The following CELSR1 variants were observed in gnomAD, a reference collection of about 807,000 sequenced individuals.
CELSR1 encodes cadherin EGF LAG seven-pass G-type receptor 1, also known as adhesion G protein-coupled receptor C1.
A neutral mutation model predicts 249.1 loss-of-function variants in CELSR1; 110 were observed. That is an observed-to-expected ratio of 0.44 (90% CI 0.38 to 0.52). The LOEUF (loss-of-function observed/expected upper bound fraction) is 0.52. Ranked by LOEUF, CELSR1 falls within the 20% of genes least tolerant of loss-of-function variation. The probability of loss-of-function intolerance (pLI) is 0.00; values close to 1 mark genes in which losing one functional copy is unlikely to be tolerated. For synonymous variants in CELSR1, 2,113 were observed against 1,900.0 expected, an observed-to-expected ratio of 1.11 and a Z score of -2.92; for missense variants, 4,109 against 4,296.4, an observed-to-expected ratio of 0.96 and a Z score of 1.22.
In CELSR1 at chr22:46,428,204, G is replaced by A. The variant is rs1218625043; in HGVS notation, c.4611+5189C>T. On this transcript the variant is annotated intron_variant, in intron 5 of 34. Coordinates refer to ENST00000674500, the MANE Select transcript of CELSR1 (RefSeq NM_001378328.1). This position sits in a 1 kb window ranked among gnomAD's most constrained non-coding sequence, Gnocchi z 5.7. ...TTTATAAAAGCACTTTCCGCAGCAT[G>A]CCAAAGACAGCCCCGCGCCATCTCA... Among the ~76,000 whole-genome samples, 1 of 152,202 alleles carries A rather than the reference G, an allele frequency of 6.6e-6. No homozygotes were observed. Among genetic ancestry groups the A allele is most frequent in the African/African-American group, 2.4e-5 (1 of 41,442 alleles).
At chr22:46,416,355 A>G (rs1247281785) in intron 5 of CELSR1, among the ~76,000 whole-genome samples, 1 of 152,204 alleles carries the variant, frequency 6.6e-6, no homozygotes, top group African/African-American at 2.4e-5. Flanking sequence ...GGTACTGCGC[A>G]GCAGCCGGCC....
In CELSR1 at chr22:46,364,038, T is replaced by C. The variant is rs1421134055; in HGVS notation, c.8993A>G (p.Asn2998Ser). 1 of 1,611,672 alleles carries C rather than the reference T, an allele frequency of 6.2e-7. No homozygotes were observed. Among genetic ancestry groups the C allele is most frequent in the Admixed American group, 1.7e-5 (1 of 59,932 alleles). Residue 2998 changes from asparagine (N) to serine (S), a missense_variant, in exon 34 of 35, where the codon AAT becomes AGT. Coordinates refer to ENST00000674500, the MANE Select transcript of CELSR1 (RefSeq NM_001378328.1). ...GRDHLNGVAMNVRTGSAQADG... is the reference protein window; with the variant it reads ...GRDHLNGVAMSVRTGSAQADG... ...GGCCTGGGCGCTCCCAGTGCGCACA[T>C]TCATGGCCACCCCGTTGAGGTGGTC...
chr22:46,536,221 T>C lies in CELSR1; in HGVS notation c.950A>G (p.Glu317Gly). The change falls in exon 1 of 35, where the codon GAG becomes GGG. Residue 317 changes from glutamate (E) to glycine (G), a missense_variant. Glu to Gly is a moderately conservative substitution (Grantham distance 98, BLOSUM62 -2). Around this residue, in one of 7 missense-constraint regions of CELSR1, gnomAD observed 673 missense variants for 636.8 expected, o/e 1.06. Coordinates refer to ENST00000674500, the MANE Select transcript of CELSR1 (RefSeq NM_001378328.1). The part of the protein sequence containing the change: ...TDSVLDRETK[E>G]THVLRVKAVD... ...GGCTTTCACCCTGAGGACGTGCGTC[T>C]CCTTGGTCTCGCGGTCCAGTACGCT... 6.2e-7 allele frequency: 1 copy of C among 1,612,526 alleles called. No individual in the cohort carries two copies. Among genetic ancestry groups the C allele is most frequent in the East Asian group, 2.2e-5 (1 of 44,838 alleles).
At chr22:46,523,806 C>T (rs1360531980) in intron 1 of CELSR1, among the ~76,000 whole-genome samples, 3 of 152,082 alleles carry the variant, frequency 2.0e-5, no homozygotes, top group Non-Finnish European at 4.4e-5. Flanking sequence ...CTCCCTGCAC[C>T]TGGTGCCCAC....
chr22:46,461,440 G>A (rs142954860), intron 2 of CELSR1, among the ~76,000 whole-genome samples: 1 of 152,314 alleles, frequency 6.6e-6, no homozygotes, highest in African/African-American at 2.4e-5. Context: ...GCTGGCCCAG[G>A]GGTCCCCAGG....
rs532555237 is a variant in CELSR1 at position 46,410,096 on chromosome 22, C to T, written c.4934-216G>A. On this transcript the variant is annotated intron_variant, in intron 7 of 34. Transcript: ENST00000674500. This position sits in a 1 kb window ranked among gnomAD's most constrained non-coding sequence, Gnocchi z 6.8. The stretch of plus-strand genomic sequence containing the variant: ...GAGACGCTGGGACGCCAGGCCATCA[C>T]GGCAGCCGGCCCGGTCACCTGGTGA... Among the ~76,000 whole-genome samples, 66 of 152,334 alleles carry T rather than the reference C, an allele frequency of 4.3e-4. 1 individual carries two copies. Among genetic ancestry groups the T allele is most frequent in the African/African-American group, 1.5e-3 (64 of 41,586 alleles).
rs1302033531 is a variant in CELSR1 at position 46,463,906 on chromosome 22, C to T, written c.3984G>A (p.Ala1328=). ...GCACGGTGGTGGAGCTGAGGAAGGG[C>T]GCGGAGCTGTCGAATCGCAGAACGG... The part of the protein sequence containing the change: ...CVSVLRFDSS[A]PFLSSTTVLF... The change falls in exon 2 of 35, where the codon GCG becomes GCA. Residue 1328 remains alanine (A), a synonymous_variant. Coordinates refer to ENST00000674500, the MANE Select transcript of CELSR1 (RefSeq NM_001378328.1). 9 of 1,613,588 alleles carry T rather than the reference C, an allele frequency of 5.6e-6. No individual in the cohort carries two copies. The highest frequency in any genetic ancestry group is 1.7e-5 in the Admixed American group (1 of 59,968).
At chr22:46,383,478 T>G (rs984031228) in intron 20 of CELSR1, among the ~76,000 whole-genome samples, 3 of 152,226 alleles carry the variant, frequency 2.0e-5, no homozygotes, top group East Asian at 1.9e-4. Context: ...TGTTGTTGTT[T>G]TTTTGCGGGA....
chr22:46,529,812 A>C (rs1003573886), intron 1 of CELSR1, among the ~76,000 whole-genome samples: 1 of 152,154 alleles, frequency 6.6e-6, no homozygotes, highest in Non-Finnish European at 1.5e-5. Context: ...CAAAAAAAAA[A>C]AAAGAATAAG....
At chr22:46,481,642 C>A in intron 1 of CELSR1, 1 of 669,680 alleles carries the variant, frequency 1.5e-6, no homozygotes, top group East Asian at 2.6e-5. Flanking sequence ...GGTGCTGCAC[C>A]AGAACATGAG....
rs2080846685 is a variant in CELSR1, at chr22:46,535,782, G to A, written c.1389C>T (p.Asn463=). 6.2e-7 allele frequency: 1 copy of A among 1,612,494 alleles called. No individual in the cohort carries two copies. Among genetic ancestry groups the A allele is most frequent in the Non-Finnish European group, 8.5e-7 (1 of 1,180,010 alleles). The change falls in exon 1 of 35, where the codon AAC becomes AAT. Residue 463 remains asparagine, a synonymous_variant. Coordinates refer to ENST00000674500, the MANE Select transcript of CELSR1 (RefSeq NM_001378328.1). ...CGTCCTCGGGCACCTGGACCACGTAGTTCTGCTCGCTGAACTGGGGGTAGT... is the reference window on the plus strand; with the variant it reads ...CGTCCTCGGGCACCTGGACCACGTAATTCTGCTCGCTGAACTGGGGGTAGT... The part of the protein sequence containing the change: ...NDNYPQFSEQ[N]YVVQVPEDVG...
intron 2 of CELSR1, among the ~76,000 whole-genome samples, chr22:46,455,568 T>C (rs978896710): frequency 8.5e-5 from 13 of 152,196 alleles, no homozygotes; most frequent in Admixed American, 2.6e-4. Context: ...CCCAAAGTGC[T>C]GGGATTTCAG....
Position 46,441,168 on chromosome 22 carries a change from AGAG to A in CELSR1, c.4184-1760_4184-1758del, listed in dbSNP as rs945720269. Among the ~76,000 whole-genome samples the A allele has an allele frequency of 2.0e-5, 3 of 148,820 alleles. No individual in the cohort carries two copies. Among genetic ancestry groups the A allele is most frequent in the African/African-American group, 7.5e-5 (3 of 39,752 alleles). On this transcript the variant is annotated intron_variant, in intron 2 of 34. Transcript: ENST00000674500. The surrounding 1 kb of genome is among the most constrained non-coding windows in gnomAD (Gnocchi z 6.1). ...ACTTCATTTCAAAAAAAAAAAAAAAAGAGAGACTGCTATAAAGATGGAACTGGG... is the reference window on the plus strand; with the variant it reads ...ACTTCATTTCAAAAAAAAAAAAAAAAAGACTGCTATAAAGATGGAACTGGG...
rs1479471392 is a variant in CELSR1 at position 46,440,696 on chromosome 22, G to A, written c.4184-1285C>T. 6.6e-6 allele frequency among the ~76,000 whole-genome samples: 1 copy of A among 152,206 alleles called. No homozygotes were observed. The highest frequency in any genetic ancestry group is 1.9e-4 in the East Asian group (1 of 5,176). On this transcript the variant is annotated intron_variant, in intron 2 of 34. Coordinates refer to ENST00000674500, the MANE Select transcript of CELSR1 (RefSeq NM_001378328.1). The surrounding 1 kb of genome is among the most constrained non-coding windows in gnomAD (Gnocchi z 4.7). ...TCTTATTGTGTTATAGAAGCTCCTC[G>A]TAAATTATGGAAGGAACTATTGTCA... is the stretch of plus-strand genomic sequence containing the variant.
At chr22:46,467,452 A>G (rs1396882486) in intron 1 of CELSR1, among the ~76,000 whole-genome samples, 2 of 152,138 alleles carry the variant, frequency 1.3e-5, no homozygotes, top group Non-Finnish European at 2.9e-5. Context: ...TGAAAGGGAC[A>G]CGCACAGTGT....
Position 46,512,756 on chromosome 22 carries a change from G to A in CELSR1, c.3544+20871C>T, listed in dbSNP as rs911894103. Among the ~76,000 whole-genome samples, 9 of 152,212 alleles carry A rather than the reference G, an allele frequency of 5.9e-5. No homozygotes were observed. The highest frequency in any genetic ancestry group is 2.2e-4 in the African/African-American group (9 of 41,450). On this transcript the variant is annotated intron_variant, in intron 1 of 34. Transcript: ENST00000674500. This position sits in a 1 kb window ranked among gnomAD's most constrained non-coding sequence, Gnocchi z 5.2. The stretch of plus-strand genomic sequence containing the variant: ...AGCTCCTGCTTATAGAGGGTAGCGG[G>A]TTTCCGTTCCCTGCCATCCAGAGGA...
At position 46,365,344 on chromosome 22, in the gene CELSR1, T is replaced by C. The variant is rs1165893153; in HGVS notation, c.8441A>G (p.Asp2814Gly). Residue 2814 changes from aspartate (D) to glycine (G), a missense_variant, in exon 32 of 35, where the codon GAT becomes GGT. By Grantham distance (94) the Asp-to-Gly change is moderately conservative. Around this residue, in one of 7 missense-constraint regions of CELSR1, gnomAD observed 1,805 missense variants for 1,831.6 expected, o/e 0.99. Transcript: ENST00000674500. ...GGAGGCGTAAGAGCTGCTCTGCTCA[T>C]CCAGGGACAGCTCGCTATCTGAGTC... ...DSDSDSELSL[D>G]EQSSSYASSH... 3.1e-6 allele frequency: 5 copies of C among 1,612,812 alleles called. No individual in the cohort carries two copies. The highest frequency in any genetic ancestry group is 4.2e-6 in the Non-Finnish European group (5 of 1,179,940).
In CELSR1 at chr22:46,417,414, C is replaced by G. The variant is rs949661276; in HGVS notation, c.4612-5655G>C. ...CCGAGCTGCTACTTCCTGGTGGTCC[C>G]AATACCCCTAGGCAGGTAACAGGAC... On this transcript the variant is annotated intron_variant, in intron 5 of 34. Transcript: ENST00000674500. This position sits in a 1 kb window ranked among gnomAD's most constrained non-coding sequence, Gnocchi z 4.1. Among the ~76,000 whole-genome samples, 1 of 152,216 alleles carries G rather than the reference C, an allele frequency of 6.6e-6. No individual in the cohort carries two copies. The highest frequency in any genetic ancestry group is 2.4e-5 in the African/African-American group (1 of 41,454).
intron 14 of CELSR1, 123 bp downstream of exon 14, chr22:46,394,019 G>T: frequency 8.1e-7 from 1 of 1,237,654 alleles, no homozygotes; most frequent in Non-Finnish European, 1.1e-6. Context: ...GTGGGCACAG[G>T]TGTGTGTGCA....
Sources: gnomAD v4.1 joint callset for allele counts (sites outside exome capture counted in the v4.1 genomes callset) on GRCh38, gnomAD v4.1.1 for gene constraint, gnomAD v4.1.1 regional missense constraint, Gnocchi (gnomAD v3.1) non-coding constraint, MANE v1.5 for transcripts, NCBI Gene and HGNC (gene_info 2026-07-23, HGNC 2026-07-21) for gene names.